Variants in GCLC observed in about 807,000 individuals in gnomAD.
GCLC encodes glutamate--cysteine ligase catalytic subunit.
GCLC carries 30 observed loss-of-function variants against 81.5 expected under a neutral mutation model. That is an observed-to-expected ratio of 0.37 (90% confidence interval 0.28 to 0.50). The LOEUF is 0.50. Among genes scored for constraint, GCLC ranks in the 20% least tolerant of loss-of-function variants. The pLI is 0.96. For missense variants in GCLC, 556 were observed against 777.4 expected (o/e 0.72, Z 3.39); for synonymous variants, 262 against 273.3 (o/e 0.96, Z 0.41).
At chr6:53,515,430 C>A (rs751199470) in intron 4 of GCLC, among the ~76,000 whole-genome samples, 9 of 152,222 alleles carry the variant, frequency 5.9e-5, no homozygotes, top group Non-Finnish European at 1.0e-4. Flanking sequence ...AAGTTAGAAA[C>A]TACGTCTACA....
At chr6:53,529,944 C>G (rs1728019165) in intron 1 of GCLC, among the ~76,000 whole-genome samples, 1 of 152,248 alleles carries the variant, frequency 6.6e-6, no homozygotes, top group African/African-American at 2.4e-5. Flanking sequence ...TGATACACTT[C>G]TTGGGCTGAG....
intron 15 of GCLC, among the ~76,000 whole-genome samples, 155 bp from the exon 16 acceptor site, chr6:53,499,122 T>C (rs1561936443): frequency 6.6e-6 from 1 of 152,148 alleles, no homozygotes; most frequent in African/African-American, 2.4e-5. Context: ...ACATCTTTCA[T>C]AGCGTTTGAA....
At chr6:53,522,370 G>A (rs762489534) in intron 2 of GCLC, 45 bp downstream of exon 2, 1 of 1,090,702 alleles carries the variant, frequency 9.2e-7, no homozygotes, top group South Asian at 1.2e-5. Context: ...TATTCTAGAA[G>A]TTTTAGCAGT....
chr6:53,543,306 A>T (rs1375307618), intron 1 of GCLC, among the ~76,000 whole-genome samples: 1 of 152,254 alleles, frequency 6.6e-6, no homozygotes, highest in Non-Finnish European at 1.5e-5. Context: ...AATCATCACC[A>T]AAACACATGC....
intron 4 of GCLC, 136 bp downstream of exon 4, chr6:53,515,973 A>C (rs1764863147): frequency 4.5e-6 from 3 of 673,682 alleles, no homozygotes; most frequent in South Asian, 3.0e-5. Context: ...CACATCTGCT[A>C]TCTTCTCTGG....
At chr6:53,539,953 C>G (rs942164542) in intron 1 of GCLC, among the ~76,000 whole-genome samples, 9 of 152,202 alleles carry the variant, frequency 5.9e-5, no homozygotes, top group African/African-American at 1.7e-4. Context: ...TAGTGCTAAC[C>G]TGTTCTTTTT....
intron 1 of GCLC, among the ~76,000 whole-genome samples, chr6:53,539,869 C>T (rs1763322492): frequency 6.6e-6 from 1 of 152,184 alleles, no homozygotes; most frequent in South Asian, 2.1e-4. Flanking sequence ...TGCATCTGAG[C>T]CACTAGGCTT....
intron 3 of GCLC, among the ~76,000 whole-genome samples, chr6:53,519,622 G>A (rs1016554031): frequency 1.1e-4 from 17 of 152,252 alleles, no homozygotes; most frequent in Middle Eastern, 3.4e-3. Flanking sequence ...AGGCACTCAA[G>A]TGTCTGAGTG....
intron 3 of GCLC, among the ~76,000 whole-genome samples, chr6:53,517,895 A>G (rs1214080075): frequency 1.3e-5 from 2 of 152,220 alleles, no homozygotes; most frequent in South Asian, 2.1e-4. Context: ...TTCATTTTAT[A>G]TAATTTTAAT....
chr6:53,535,573 A>G (rs1763244452), intron 1 of GCLC, among the ~76,000 whole-genome samples: 1 of 152,192 alleles, frequency 6.6e-6, no homozygotes. Context: ...AATATTTGCA[A>G]AGTTTGCAAA....
At chr6:53,537,044 C>CT (rs768215044) in intron 1 of GCLC, among the ~76,000 whole-genome samples, 20 of 152,334 alleles carry the variant, frequency 1.3e-4, no homozygotes, top group Non-Finnish European at 2.1e-4. Flanking sequence ...GCACAATAAC[C>CT]TTCACATACT....
At chr6:53,543,504 T>C (rs541572873) in intron 1 of GCLC, among the ~76,000 whole-genome samples, 73 of 150,008 alleles carry the variant, frequency 4.9e-4, no homozygotes, top group African/African-American at 1.6e-3. Context: ...TAACAGCACG[T>C]CAGCACTTAG....
intron 2 of GCLC, among the ~76,000 whole-genome samples, 155 bp downstream of exon 2, chr6:53,522,260 A>C (rs78985264): frequency 0.011 from 1,735 of 152,336 alleles, 44 homozygotes; most frequent in African/African-American, 0.039. Flanking sequence ...TCAGCTATTG[A>C]GTAAAGGAAC....
intron 1 of GCLC, among the ~76,000 whole-genome samples, chr6:53,541,165 C>T (rs1443772448): frequency 4.6e-5 from 7 of 152,112 alleles, no homozygotes; most frequent in East Asian, 3.9e-4. Context: ...TGCGGTGAGC[C>T]GAGATCACGT....
At chr6:53,505,155 G>A in intron 12 of GCLC, 1 of 475,518 alleles carries the variant, frequency 2.1e-6, no homozygotes, top group Non-Finnish European at 3.8e-6. Context: ...CTGGGATTTT[G>A]TGGTGGATGA....
chr6:53,529,745 T>C (rs1338314705), intron 1 of GCLC, among the ~76,000 whole-genome samples: 1 of 152,234 alleles, frequency 6.6e-6, no homozygotes, highest in Non-Finnish European at 1.5e-5. Context: ...AGAAACAGTA[T>C]CCTGATCCCC....
intron 1 of GCLC, among the ~76,000 whole-genome samples, chr6:53,536,284 A>G (rs1317352669): frequency 6.6e-6 from 1 of 152,248 alleles, no homozygotes; most frequent in Non-Finnish European, 1.5e-5. Context: ...TACAGAAAGC[A>G]AATCAGCTGC....
In GCLC at chr6:53,507,549, A is replaced by G; in HGVS notation, c.1015T>C (p.Cys339Arg). 2 of 1,590,400 alleles carry G rather than the reference A, an allele frequency of 1.3e-6. No homozygotes were observed. Among genetic ancestry groups the G allele is most frequent in the Non-Finnish European group, 1.7e-6 (2 of 1,158,718 alleles). Reference sequence around the variant, plus strand: ...TCGATGTCATTATATTTCTCACCACACTTAGATAAATAGCTGTCTATTGAG... The same window carrying G: ...TCGATGTCATTATATTTCTCACCACGCTTAGATAAATAGCTGTCTATTGAG... ...YDSIDSYLSKCGEKYNDIDLT... is the reference protein window; with the variant it reads ...YDSIDSYLSKRGEKYNDIDLT... The change falls in exon 9 of 16, where the codon TGT (cysteine) becomes CGT (arginine). Residue 339 changes from cysteine to arginine, a missense_variant. Cys to Arg is a radical substitution (Grantham distance 180, BLOSUM62 -3). Transcript: ENST00000650454.
chr6:53,513,708 A>G (rs575677972), intron 6 of GCLC: 1 of 170,906 alleles, frequency 5.9e-6, no homozygotes, highest in East Asian at 1.6e-4. Context: ...AGGCTCCTGT[A>G]TACTTTACTC....
Sources: gnomAD v4.1 joint callset for allele counts (sites outside exome capture counted in the v4.1 genomes callset) on GRCh38, gnomAD v4.1.1 for gene constraint, MANE v1.5 for transcripts, NCBI Gene and HGNC (gene_info 2026-07-23, HGNC 2026-07-21) for gene names.